The following MYH10 variants were observed in gnomAD, a reference collection of about 807,000 sequenced individuals.
MYH10 encodes the protein myosin heavy chain 10.
MYH10 carries 55 observed loss-of-function variants against 257.8 expected under a neutral mutation model. The observed-to-expected ratio is 0.21, with a 90% confidence interval of 0.17 to 0.27. The LOEUF is 0.27. Among genes scored for constraint, MYH10 ranks in the 10% least tolerant of loss-of-function variants. The pLI, the probability that MYH10 is intolerant of heterozygous loss-of-function variation, is 1.00. For missense variants in MYH10, 1,631 were observed against 2,500.6 expected (o/e 0.65, Z 7.42); for synonymous variants, 854 against 921.7 (o/e 0.93, Z 1.33).
At chr17:8,623,777 T>A (rs982862444) in intron 1 of MYH10, among the ~76,000 whole-genome samples, 1 of 152,132 alleles carries the variant, frequency 6.6e-6, no homozygotes, top group African/African-American at 2.4e-5. Context: ...GATAACAGAC[T>A]TAAAGTTCTT....
At chr17:8,610,371 T>C (rs1489295903) in intron 2 of MYH10, among the ~76,000 whole-genome samples, 1 of 148,010 alleles carries the variant, frequency 6.8e-6, no homozygotes, top group Non-Finnish European at 1.5e-5. Context: ...GGAAGATCAC[T>C]TGAGCTCAGG....
chr17:8,508,785 G>A (rs911815155), intron 25 of MYH10, 108 bp from the exon 26 acceptor site: 5 of 1,315,026 alleles, frequency 3.8e-6, no homozygotes, highest in South Asian at 1.3e-5. Flanking sequence ...AAGTTCTATC[G>A]GCACTGCCTC....
At chr17:8,574,068 A>T (rs1039565928) in intron 6 of MYH10, among the ~76,000 whole-genome samples, 1 of 152,230 alleles carries the variant, frequency 6.6e-6, no homozygotes, top group Non-Finnish European at 1.5e-5. Context: ...TTCTCACCAT[A>T]ACTTGTACAT....
chr17:8,585,838 A>G (rs138344257), intron 4 of MYH10, among the ~76,000 whole-genome samples: 85 of 152,324 alleles, frequency 5.6e-4, no homozygotes, highest in African/African-American at 1.9e-3. Flanking sequence ...TTTTGTTTCA[A>G]AAGAAAAAGA....
At chr17:8,558,126 G>A (rs1339623521) in intron 7 of MYH10, among the ~76,000 whole-genome samples, 3 of 152,188 alleles carry the variant, frequency 2.0e-5, no homozygotes, top group Non-Finnish European at 4.4e-5. Flanking sequence ...ATGGTGTGGA[G>A]AGAAAGTTTT....
Position 8,490,858 on chromosome 17 carries a change from C to T in MYH10, c.4672-306G>A, listed in dbSNP as rs149365038. Among the ~76,000 whole-genome samples, 124 of 152,308 alleles carry T rather than the reference C, an allele frequency of 8.1e-4. 1 individual carries two copies. The East Asian group carries it at 0.019, about 23-fold the overall frequency. On this transcript the variant is annotated intron_variant, in intron 34 of 42. Transcript: ENST00000360416. The surrounding 1 kb of genome is among the most constrained non-coding windows in gnomAD (Gnocchi z 4.1). The stretch of plus-strand genomic sequence containing the variant: ...TGAGCCAAAGAACAAAGGAAACAGC[C>T]ATGTCAGGGAACCTGTCTGTTGACT...
At chr17:8,541,580 A>G (rs913836130) in intron 14 of MYH10, among the ~76,000 whole-genome samples, 4 of 152,180 alleles carry the variant, frequency 2.6e-5, no homozygotes, top group African/African-American at 9.7e-5. Flanking sequence ...TAAACCACCA[A>G]GAAAAGAGTT....
chr17:8,612,679 C>T (rs887560676), intron 2 of MYH10, among the ~76,000 whole-genome samples: 8 of 151,950 alleles, frequency 5.3e-5, no homozygotes, highest in East Asian at 1.9e-4. Context: ...GGTGAAACCC[C>T]GTCTCTACTA....
chr17:8,590,238 A>T (rs2084072320), intron 3 of MYH10, among the ~76,000 whole-genome samples: 1 of 152,234 alleles, frequency 6.6e-6, no homozygotes, highest in Non-Finnish European at 1.5e-5. Flanking sequence ...TATTAAACAA[A>T]TCCATTCATA....
chr17:8,600,190 C>T (rs940011551), intron 3 of MYH10, among the ~76,000 whole-genome samples: 8 of 152,084 alleles, frequency 5.3e-5, no homozygotes, highest in Non-Finnish European at 8.8e-5. Context: ...ATTCATCCAG[C>T]GTGAGTTTTA....
chr17:8,574,614 A>C (rs2083446612), intron 6 of MYH10, among the ~76,000 whole-genome samples: 1 of 152,224 alleles, frequency 6.6e-6, no homozygotes, highest in South Asian at 2.1e-4. Flanking sequence ...GGAGCCTAGA[A>C]ATGCCCTCCC....
At chr17:8,597,008 G>A (rs950846704) in intron 3 of MYH10, among the ~76,000 whole-genome samples, 4 of 152,062 alleles carry the variant, frequency 2.6e-5, no homozygotes, top group Non-Finnish European at 5.9e-5. Context: ...GAGGTGCGTC[G>A]TCAAGGGGGA....
At chr17:8,626,479 A>T (rs2152113780) in intron 1 of MYH10, among the ~76,000 whole-genome samples, 1 of 152,036 alleles carries the variant, frequency 6.6e-6, no homozygotes, top group Non-Finnish European at 1.5e-5. Context: ...AGGCAGGAAG[A>T]TCACTTGAGC....
chr17:8,545,839 T>A lies in MYH10; in HGVS notation c.1279-239A>T, dbSNP rs189778470. On this transcript the variant is annotated intron_variant, in intron 12 of 42. Coordinates refer to ENST00000360416, the MANE Select transcript of MYH10 (RefSeq NM_001256012.3). This position sits in a 1 kb window ranked among gnomAD's most constrained non-coding sequence, Gnocchi z 4.7. ...CCTAATAAAAATAAGCTCCTCCCCA[T>A]GCGCCTGGGTCCTGGGTAGCACTGT... Among the ~76,000 whole-genome samples the A allele has an allele frequency of 6.6e-5, 10 of 152,208 alleles. No individual in the cohort carries two copies. Among genetic ancestry groups the A allele is most frequent in the Admixed American group, 2.0e-4 (3 of 15,288 alleles).
chr17:8,531,163 C>T (rs2081993956), intron 16 of MYH10, among the ~76,000 whole-genome samples: 2 of 151,486 alleles, frequency 1.3e-5, no homozygotes, highest in African/African-American at 2.4e-5. Flanking sequence ...ATATAATTTC[C>T]GAAAAATAAT....
chr17:8,551,524 T>C (rs2082643684), intron 9 of MYH10, among the ~76,000 whole-genome samples: 1 of 152,198 alleles, frequency 6.6e-6, no homozygotes, highest in African/African-American at 2.4e-5. Context: ...CCTCAATATA[T>C]TTCTAACCCA....
intron 9 of MYH10, among the ~76,000 whole-genome samples, chr17:8,550,150 T>C (rs1354299882): frequency 6.9e-6 from 1 of 145,640 alleles, no homozygotes; most frequent in Non-Finnish European, 1.5e-5. Context: ...TGGCCGCCCA[T>C]CATCTGGGAT....
rs200996306 is a variant in MYH10 at position 8,484,125 on chromosome 17, G to A, written c.5175+13C>T. The A allele has an allele frequency of 2.0e-6, 2 of 984,650 alleles. No individual in the cohort carries two copies. Among genetic ancestry groups the A allele is most frequent in the Non-Finnish European group, 2.9e-6 (2 of 699,988 alleles). The allele number at this position is 984,650 out of a possible 1,614,324, so 61.0% of individuals were successfully genotyped here. On this transcript the variant is annotated intron_variant, in intron 37 of 42. Coordinates refer to ENST00000360416, the MANE Select transcript of MYH10 (RefSeq NM_001256012.3). Reference sequence around the variant, plus strand: ...ATATATTTGTTGAACAAATGGATAAGTAACAAACCAACCTCCTGCAATTGA... The same window carrying A: ...ATATATTTGTTGAACAAATGGATAAATAACAAACCAACCTCCTGCAATTGA...
intron 3 of MYH10, among the ~76,000 whole-genome samples, chr17:8,598,483 C>T (rs2084469395): frequency 6.6e-6 from 1 of 152,116 alleles, no homozygotes; most frequent in Non-Finnish European, 1.5e-5. Context: ...TGGTTCATTT[C>T]ATTGTACTTT....
Sources: gnomAD v4.1 joint callset for allele counts (sites outside exome capture counted in the v4.1 genomes callset) on GRCh38, gnomAD v4.1.1 for gene constraint, Gnocchi (gnomAD v3.1) non-coding constraint, MANE v1.5 for transcripts, NCBI Gene and HGNC (gene_info 2026-07-23, HGNC 2026-07-21) for gene names.